Variants in SLCO1A2 observed in about 807,000 individuals in gnomAD.
SLCO1A2 encodes the protein OATP-1.
Under a neutral mutation model 69.0 loss-of-function variants are expected in SLCO1A2, and 67 were observed. The ratio of observed to expected loss-of-function variants is 0.97; its 90% confidence interval spans 0.80 to 1.19. The LOEUF (loss-of-function observed/expected upper bound fraction) is 1.19. SLCO1A2 is among the 50% of genes most tolerant of loss of function. The pLI is 0.00. For synonymous variants in SLCO1A2, 260 were observed against 265.9 expected, an observed-to-expected ratio of 0.98 and a Z score of 0.22; for missense variants, 787 against 793.7, an observed-to-expected ratio of 0.99 and a Z score of 0.10.
chr12:21,303,257 T>C (rs1948946496), intron 6 of SLCO1A2, among the ~76,000 whole-genome samples: 2 of 152,180 alleles, frequency 1.3e-5, no homozygotes, highest in African/African-American at 4.8e-5. Context: ...TACATTTACA[T>C]ATAATACACC....
intron 12 of SLCO1A2, among the ~76,000 whole-genome samples, chr12:21,287,196 C>A (rs1266213348): frequency 7.0e-6 from 1 of 142,130 alleles, no homozygotes; most frequent in Admixed American, 6.9e-5. Context: ...AAAAAGTGGG[C>A]AAAGGACATG....
At chr12:21,304,013 C>T (rs1366591965) in intron 6 of SLCO1A2, among the ~76,000 whole-genome samples, 1 of 152,100 alleles carries the variant, frequency 6.6e-6, no homozygotes, top group Middle Eastern at 3.4e-3. Flanking sequence ...AAATAAAATT[C>T]TGAAGAGAAA....
chr12:21,323,014 G>T (rs1951832276), intron 2 of SLCO1A2, among the ~76,000 whole-genome samples: 1 of 152,118 alleles, frequency 6.6e-6, no homozygotes, highest in Non-Finnish European at 1.5e-5. Context: ...CTATGGCCAA[G>T]GTACTTAGAG....
chr12:21,388,644 G>C (rs1941007226), intron 1 of SLCO1A2, among the ~76,000 whole-genome samples: 1 of 151,936 alleles, frequency 6.6e-6, no homozygotes, highest in African/African-American at 2.4e-5. Context: ...TATGAAAATG[G>C]ACTAATACAT....
intron 12 of SLCO1A2, among the ~76,000 whole-genome samples, chr12:21,277,279 T>TTTTTTTTTTTTTTTTTTTTTTTTTTGTG: frequency 6.6e-6 from 1 of 152,134 alleles, no homozygotes; most frequent in South Asian, 2.1e-4. Flanking sequence ...CTGGCATTTC[T>TTTTTTTTTTTTTTTTTTTTTTTTTTGTG]AGACATACCC....
At chr12:21,378,248 A>C in intron 1 of SLCO1A2, 2 of 1,614,144 alleles carry the variant, frequency 1.2e-6, no homozygotes, top group African/African-American at 1.3e-5. Context: ...CATCAGGTGG[A>C]AAAGCGGAAA....
intron 2 of SLCO1A2, among the ~76,000 whole-genome samples, chr12:21,362,069 G>C (rs1938946026): frequency 6.6e-6 from 1 of 152,134 alleles, no homozygotes. Flanking sequence ...TCCTCGAGAA[G>C]AGAAACTCCA....
At chr12:21,300,055 CAT>C (rs1376688775) in intron 8 of SLCO1A2, among the ~76,000 whole-genome samples, 1 of 148,216 alleles carries the variant, frequency 6.7e-6, no homozygotes, top group Non-Finnish European at 1.5e-5. Context: ...TGTGTGTGTA[CAT>C]ATATATGTGT....
intron 2 of SLCO1A2, among the ~76,000 whole-genome samples, chr12:21,341,208 T>C (rs2136981274): frequency 6.6e-6 from 1 of 151,922 alleles, no homozygotes. Context: ...TCTCCACAGG[T>C]GTGTGTGGGT....
intron 2 of SLCO1A2, among the ~76,000 whole-genome samples, chr12:21,352,487 C>T (rs1266546219): frequency 6.6e-6 from 1 of 152,140 alleles, no homozygotes; most frequent in Non-Finnish European, 1.5e-5. Context: ...TTGAATCTTC[C>T]TATTAATAGT....
intron 3 of SLCO1A2, among the ~76,000 whole-genome samples, chr12:21,316,972 CT>C (rs1394367041): frequency 6.6e-6 from 1 of 152,084 alleles, no homozygotes; most frequent in African/African-American, 2.4e-5. Context: ...AAATTAGTAA[CT>C]TTTTAATTTA....
intron 9 of SLCO1A2, among the ~76,000 whole-genome samples, chr12:21,296,514 A>G (rs1440288529): frequency 1.3e-5 from 2 of 152,184 alleles, no homozygotes; most frequent in African/African-American, 2.4e-5. Context: ...AAGTGCTGGA[A>G]TTAAAGGCAT....
intron 1 of SLCO1A2, among the ~76,000 whole-genome samples, chr12:21,380,628 A>G (rs937647812): frequency 6.6e-6 from 1 of 152,234 alleles, no homozygotes; most frequent in South Asian, 2.1e-4. Context: ...TACTGAGTGT[A>G]TTCTCTGGTT....
chr12:21,338,921 G>A (rs1468165914), upstream of SLCO1A2, among the ~76,000 whole-genome samples: 1 of 151,940 alleles, frequency 6.6e-6, no homozygotes, highest in Non-Finnish European at 1.5e-5. Flanking sequence ...GAGGCAGCTA[G>A]ACATAGTCAA....
Position 21,354,667 on chromosome 12 carries a change from G to A in SLCO1A2, c.-63+19732C>T, listed in dbSNP as rs192234370. On this transcript the variant is annotated intron_variant, in intron 2 of 15. Transcript: ENST00000307378. ...ACCTGAAAGCAGTGTAGCTATGGTC[G>A]TAGGGAAACTTTTACTTTTAAATTC... 2.4e-4 allele frequency among the ~76,000 whole-genome samples: 36 copies of A among 152,234 alleles called. No individual in the cohort carries two copies. The East Asian group carries it at 5.0e-3, about 21-fold the overall frequency.
intron 11 of SLCO1A2, among the ~76,000 whole-genome samples, chr12:21,293,394 T>C (rs1363081186): frequency 6.6e-6 from 1 of 152,094 alleles, no homozygotes; most frequent in Non-Finnish European, 1.5e-5. Flanking sequence ...TTAATAAGAA[T>C]CAAAATTTAT....
At chr12:21,340,353 C>T (rs895279934) in intron 2 of SLCO1A2, among the ~76,000 whole-genome samples, 4 of 151,916 alleles carry the variant, frequency 2.6e-5, no homozygotes, top group African/African-American at 7.2e-5. Flanking sequence ...ATACATACAC[C>T]GTATTTGTTA....
intron 1 of SLCO1A2, among the ~76,000 whole-genome samples, chr12:21,401,341 T>A (rs1322883256): frequency 6.6e-6 from 1 of 151,574 alleles, no homozygotes; most frequent in African/African-American, 2.4e-5. Context: ...AAAATAAAAA[T>A]AAAATATCAT....
intron 1 of SLCO1A2, among the ~76,000 whole-genome samples, chr12:21,383,175 T>TA (rs1160096665): frequency 1.3e-5 from 2 of 152,066 alleles, no homozygotes; most frequent in Admixed American, 6.6e-5. Flanking sequence ...GGAAGAAAGT[T>TA]AAAAAAAATT....
Sources: gnomAD v4.1 joint callset for allele counts (sites outside exome capture counted in the v4.1 genomes callset) on GRCh38, gnomAD v4.1.1 for gene constraint, MANE v1.5 for transcripts, NCBI Gene and HGNC (gene_info 2026-07-23, HGNC 2026-07-21) for gene names.